MGST1: variants seen among roughly 807,000 people sequenced by gnomAD.
The protein encoded by MGST1 is glutathione S-transferase 12.
MGST1 carries 5 observed loss-of-function variants against 8.9 expected under a neutral mutation model. The ratio of observed to expected loss-of-function variants is 0.56; its 90% CI spans 0.29 to 1.19. The LOEUF (loss-of-function observed/expected upper bound fraction) is 1.19. Ranked by LOEUF, MGST1 falls within the 50% of genes most tolerant of loss-of-function variation. The probability of loss-of-function intolerance (pLI) is 0.08; values close to 1 mark genes in which losing one functional copy is unlikely to be tolerated. For synonymous variants in MGST1, 54 were observed against 67.8 expected (o/e 0.80, Z 1.00); for missense variants, 182 against 187.4 (o/e 0.97, Z 0.17).
chr12:16,541,594 A>G (rs771516059), intron 4 of MGST1, among the ~76,000 whole-genome samples: 10 of 152,338 alleles, frequency 6.6e-5, no homozygotes, highest in Non-Finnish European at 1.5e-4. Flanking sequence ...ACTTTACATT[A>G]AAAAGTTAGG....
At chr12:16,365,601 T>TA (rs1250431986), downstream of MGST1, among the ~76,000 whole-genome samples, 2 of 152,198 alleles carry the variant, frequency 1.3e-5, no homozygotes, top group East Asian at 1.9e-4. Flanking sequence ...TTCCTAATGT[T>TA]AAAAAGCAGC....
At chr12:16,438,859 A>C (rs1281952081), downstream of MGST1, 1 of 151,878 alleles carries the variant, frequency 6.6e-6, no homozygotes, top group Non-Finnish European at 1.5e-5. Context: ...CATCACTTTG[A>C]TCTCTCCCTT....
chr12:16,592,739 T>G (rs1943532530), downstream of MGST1, among the ~76,000 whole-genome samples: 1 of 151,946 alleles, frequency 6.6e-6, no homozygotes, highest in Non-Finnish European at 1.5e-5. Context: ...GTCTTGATTC[T>G]TCTATTTTTT....
chr12:16,394,490 CTT>C (rs67500907), intron 1 of MGST1, among the ~76,000 whole-genome samples: 3,033 of 112,198 alleles, frequency 0.027, 200 homozygotes, highest in African/African-American at 0.097. Context: ...TTCTTCCTTT[CTT>C]TCTTTCTCTC....
intron 1 of MGST1, chr12:16,400,281 C>T (rs1940643124): frequency 2.5e-6 from 2 of 803,082 alleles, no homozygotes; most frequent in Non-Finnish European, 4.5e-6. Context: ...AGACAATAAT[C>T]ATTACTCCAT....
intron 4 of MGST1, among the ~76,000 whole-genome samples, chr12:16,470,514 C>G (rs922995615): frequency 1.3e-5 from 2 of 152,154 alleles, no homozygotes; most frequent in African/African-American, 2.4e-5. Context: ...ACAGAAATCA[C>G]TGGTTTCGGG....
chr12:16,576,614 A>G lies in MGST1; in HGVS notation n.483-12914A>G, dbSNP rs918487329. 3.9e-5 allele frequency among the ~76,000 whole-genome samples: 6 copies of G among 152,152 alleles called. No homozygotes were observed. The highest frequency in any genetic ancestry group is 1.4e-4 in the African/African-American group (6 of 41,442). Reference sequence around the variant, plus strand: ...CTGTTTGTCTCTTTCTCACTACATAATAAGCTCCCTGAAAACTTGCCTTCT... The same window carrying G: ...CTGTTTGTCTCTTTCTCACTACATAGTAAGCTCCCTGAAAACTTGCCTTCT... On this transcript the variant is annotated intron_variant and non_coding_transcript_variant, in intron 4 of 4. Transcript: ENST00000538857. This position sits in a 1 kb window ranked among gnomAD's most constrained non-coding sequence, Gnocchi z 4.1.
intron 3 of MGST1, among the ~76,000 whole-genome samples, chr12:16,375,936 T>C (rs997374671): frequency 1.3e-5 from 2 of 151,854 alleles, no homozygotes; most frequent in Non-Finnish European, 2.9e-5. Flanking sequence ...CCCATGCCAA[T>C]AAATTTCAAG....
At chr12:16,592,949 G>T (rs575330867), downstream of MGST1, among the ~76,000 whole-genome samples, 2 of 151,788 alleles carry the variant, frequency 1.3e-5, no homozygotes, top group Admixed American at 1.3e-4. Flanking sequence ...TAGAAACTAG[G>T]AGTAAAGTAA....
At chr12:16,534,711 G>A (rs1941743990) in intron 4 of MGST1, among the ~76,000 whole-genome samples, 1 of 152,122 alleles carries the variant, frequency 6.6e-6, no homozygotes, top group Non-Finnish European at 1.5e-5. Flanking sequence ...TTTAAAAAAT[G>A]TGAGATAGTG....
intron 4 of MGST1, among the ~76,000 whole-genome samples, chr12:16,509,911 A>C: frequency 6.6e-6 from 1 of 152,192 alleles, no homozygotes; most frequent in South Asian, 2.1e-4. Context: ...TCCTGACTCT[A>C]ATTATTATCC....
At chr12:16,411,793 A>T (rs1316922675) in intron 1 of MGST1, among the ~76,000 whole-genome samples, 1 of 152,150 alleles carries the variant, frequency 6.6e-6, no homozygotes, top group African/African-American at 2.4e-5. Flanking sequence ...TTTAGATGTA[A>T]AAGTAGTGTA....
chr12:16,528,318 G>A (rs1941701859), intron 4 of MGST1, among the ~76,000 whole-genome samples: 1 of 151,912 alleles, frequency 6.6e-6, no homozygotes, highest in Non-Finnish European at 1.5e-5. Flanking sequence ...ACTCTGGGGA[G>A]GATTCAGCGA....
In MGST1 at chr12:16,389,264, A is replaced by G. The variant is rs1394491004; in HGVS notation, n.778+5660A>G. Among the ~76,000 whole-genome samples, 2 of 152,266 alleles carry G rather than the reference A, an allele frequency of 1.3e-5. No individual in the cohort carries two copies. The highest frequency in any genetic ancestry group is 4.8e-5 in the African/African-American group (2 of 41,474). Reference sequence around the variant, plus strand: ...AAGAAATAGTTTGTTTACTCGATGCATCAACAGTTTGTATCTCAACAGTCA... The same window carrying G: ...AAGAAATAGTTTGTTTACTCGATGCGTCAACAGTTTGTATCTCAACAGTCA... On this transcript the variant is annotated intron_variant and non_coding_transcript_variant, in intron 1 of 1. Coordinates refer to the MGST1 transcript ENST00000359720. The surrounding 1 kb of genome is among the most constrained non-coding windows in gnomAD (Gnocchi z 4.6).
intron 4 of MGST1, among the ~76,000 whole-genome samples, chr12:16,475,897 C>T (rs535525582): frequency 2.0e-5 from 3 of 152,050 alleles, no homozygotes; most frequent in East Asian, 1.9e-4. Context: ...ATAGAAAACC[C>T]GTGCTTAACT....
At chr12:16,433,364 G>C (rs2216203) in intron 1 of MGST1, among the ~76,000 whole-genome samples, 106,309 of 151,836 alleles carry the variant, frequency 0.7, 37,941 homozygotes, top group East Asian at 0.98. Flanking sequence ...AATAATACTT[G>C]GCATCCTTCA....
chr12:16,490,611 A>G (rs1415080137), intron 4 of MGST1, among the ~76,000 whole-genome samples: 2 of 152,204 alleles, frequency 1.3e-5, no homozygotes, highest in African/African-American at 4.8e-5. Context: ...TACCCTTGGC[A>G]GAATAGTAAG....
chr12:16,373,616 T>C (rs1940334249), intron 3 of MGST1, among the ~76,000 whole-genome samples: 1 of 152,064 alleles, frequency 6.6e-6, no homozygotes, highest in African/African-American at 2.4e-5. Context: ...TTACAAAGTT[T>C]GTCAACTCCT....
rs888225973 is a variant in MGST1, at chr12:16,401,778, C to T, written n.778+18174C>T. ...CTTTTCCACAGACTCAGCCAGTTTG[C>T]TGTGTCAAACTTTCTCATCTGCATC... On this transcript the variant is annotated intron_variant and non_coding_transcript_variant, in intron 1 of 1. Transcript: ENST00000359720. The surrounding 1 kb of genome is among the most constrained non-coding windows in gnomAD (Gnocchi z 4.3). 5.6e-6 allele frequency: 9 copies of T among 1,600,766 alleles called. No homozygotes were observed. The highest frequency in any genetic ancestry group is 1.7e-4 in the Middle Eastern group (1 of 6,026).
Sources: allele counts gnomAD v4.1 joint callset (sites outside exome capture counted in the v4.1 genomes callset), GRCh38; gene constraint gnomAD v4.1.1; non-coding constraint Gnocchi (gnomAD v3.1); transcripts MANE v1.5; gene names NCBI Gene and HGNC (gene_info 2026-07-23, HGNC 2026-07-21).